RNFT2: variants seen among roughly 807,000 people sequenced by gnomAD.
RNFT2 encodes the protein E3 ubiquitin-protein ligase RNFT2.
RNFT2 carries 36 observed loss-of-function variants against 53.0 expected under a neutral mutation model. The observed-to-expected ratio is 0.68, with a 90% CI of 0.52 to 0.90. The LOEUF is 0.90. Ranked by LOEUF, RNFT2 falls within the 40% of genes least tolerant of loss-of-function variation. The pLI, the probability that RNFT2 is intolerant of heterozygous loss-of-function variation, is 0.00. For missense variants in RNFT2, 514 were observed against 585.6 expected, an observed-to-expected ratio of 0.88 and a Z score of 1.26; for synonymous variants, 260 against 253.2, an observed-to-expected ratio of 1.03 and a Z score of -0.26.
At chr12:116,795,712 G>T (rs1178363017) in intron 7 of RNFT2, among the ~76,000 whole-genome samples, 1 of 152,106 alleles carries the variant, frequency 6.6e-6, no homozygotes, top group Non-Finnish European at 1.5e-5. Flanking sequence ...GGTAGCAGAT[G>T]GAGAAACATA....
At chr12:116,842,565 T>C (rs1877403217) in intron 10 of RNFT2, among the ~76,000 whole-genome samples, 1 of 145,470 alleles carries the variant, frequency 6.9e-6, no homozygotes, top group Non-Finnish European at 1.5e-5. Context: ...ATTTTATTTA[T>C]TTATTTGTTT....
chr12:116,820,550 A>T (rs1414087558), intron 7 of RNFT2, among the ~76,000 whole-genome samples: 1 of 152,082 alleles, frequency 6.6e-6, no homozygotes, highest in Admixed American at 6.6e-5. Flanking sequence ...AGGGGTACCC[A>T]TTATTCTGAA....
At chr12:116,793,161 C>T (rs1016627060) in intron 7 of RNFT2, among the ~76,000 whole-genome samples, 4 of 151,162 alleles carry the variant, frequency 2.6e-5, no homozygotes, top group African/African-American at 9.7e-5. Flanking sequence ...AAAACCATCA[C>T]ACTGGCCAGG....
intron 7 of RNFT2, among the ~76,000 whole-genome samples, chr12:116,785,638 G>A (rs1299940920): frequency 6.6e-6 from 1 of 152,198 alleles, no homozygotes; most frequent in Non-Finnish European, 1.5e-5. Context: ...TGTAAGACCC[G>A]GCCCAGCACT....
intron 3 of RNFT2, among the ~76,000 whole-genome samples, chr12:116,741,586 C>T (rs527887429): frequency 3.1e-4 from 47 of 152,298 alleles, no homozygotes; most frequent in African/African-American, 9.9e-4. Context: ...TAATCCCATT[C>T]GTGAAGAGCC....
chr12:116,799,457 C>T (rs1420406677), intron 7 of RNFT2, among the ~76,000 whole-genome samples: 1 of 152,178 alleles, frequency 6.6e-6, no homozygotes, highest in Non-Finnish European at 1.5e-5. Context: ...TATTTCATTA[C>T]CTTCGTAGTA....
intron 10 of RNFT2, among the ~76,000 whole-genome samples, chr12:116,838,007 A>C (rs536587659): frequency 2.7e-5 from 4 of 150,932 alleles, no homozygotes; most frequent in Non-Finnish European, 5.9e-5. Flanking sequence ...TTATACACAC[A>C]CAAACATATT....
chr12:116,767,270 G>A (rs1872959627), intron 6 of RNFT2, among the ~76,000 whole-genome samples: 1 of 152,020 alleles, frequency 6.6e-6, no homozygotes, highest in African/African-American at 2.4e-5. Context: ...CACCCAGGCT[G>A]GCAGTGGTGT....
chr12:116,776,256 G>A (rs1269615687), intron 6 of RNFT2, among the ~76,000 whole-genome samples: 1 of 152,028 alleles, frequency 6.6e-6, no homozygotes, highest in Non-Finnish European at 1.5e-5. Context: ...ATAAAACCCA[G>A]ATAGATGGAT....
At chr12:116,740,625 A>G (rs1048702113) in intron 2 of RNFT2, 104 bp downstream of exon 2, 6 of 1,045,748 alleles carry the variant, frequency 5.7e-6, no homozygotes, top group Admixed American at 2.0e-5. Flanking sequence ...CATGTAACAC[A>G]TGGGGAATCT....
intron 7 of RNFT2, among the ~76,000 whole-genome samples, chr12:116,793,841 T>C (rs1271201197): frequency 6.6e-6 from 1 of 152,204 alleles, no homozygotes; most frequent in Non-Finnish European, 1.5e-5. Flanking sequence ...TCCTAGCATA[T>C]ACCAGTATCT....
intron 4 of RNFT2, among the ~76,000 whole-genome samples, chr12:116,750,564 G>A (rs1438392477): frequency 2.6e-5 from 4 of 151,580 alleles, no homozygotes; most frequent in Non-Finnish European, 4.4e-5. Context: ...AAACTTCCTC[G>A]CTGGTTGGCT....
chr12:116,795,834 T>C (rs1422816271), intron 7 of RNFT2, among the ~76,000 whole-genome samples: 2 of 152,168 alleles, frequency 1.3e-5, no homozygotes, highest in Admixed American at 1.3e-4. Flanking sequence ...AATCCTGGCT[T>C]CCTGACTTAT....
In RNFT2 at chr12:116,832,422, A is replaced by G. The variant is rs537077895; in HGVS notation, c.883-1370A>G. Among the ~76,000 whole-genome samples, 176 of 152,228 alleles carry G rather than the reference A, an allele frequency of 1.2e-3. 1 individual carries two copies. The highest frequency in any genetic ancestry group is 0.011 in the Admixed American group (163 of 15,282). On this transcript the variant is annotated intron_variant, in intron 7 of 10. Transcript: ENST00000257575. ...TCATGTATACTTATTGCTGGACAGT[A>G]TCCTGTTGTATAAATACGCCATCAT... is the stretch of plus-strand genomic sequence containing the variant.
At chr12:116,762,271 T>C (rs759821379) in intron 5 of RNFT2, among the ~76,000 whole-genome samples, 4 of 151,904 alleles carry the variant, frequency 2.6e-5, no homozygotes, top group Non-Finnish European at 5.9e-5. Flanking sequence ...TCCCAGCTAC[T>C]TGGGAGGCTG....
intron 3 of RNFT2, among the ~76,000 whole-genome samples, chr12:116,743,046 A>G (rs1458353543): frequency 7.4e-6 from 1 of 135,848 alleles, no homozygotes; most frequent in Non-Finnish European, 1.5e-5. Flanking sequence ...GCACCACTGC[A>G]TTCCAGCCTG....
chr12:116,850,720 C>T lies in RNFT2; in HGVS notation c.*1272C>T, dbSNP rs113074925. On this transcript the variant is annotated 3_prime_UTR_variant, in exon 11 of 11. Transcript: ENST00000257575. ...TTGGCTCACTGCAACCTCCGCCTCCCGGGTTCAAGTGATTCTCCTGCCTCA... is the reference window on the plus strand; with the variant it reads ...TTGGCTCACTGCAACCTCCGCCTCCTGGGTTCAAGTGATTCTCCTGCCTCA... 0.036 allele frequency: 5,464 copies of T among 151,516 alleles called. 217 individuals are homozygous for T. Among genetic ancestry groups the T allele is most frequent in the African/African-American group, 0.1 (4,120 of 41,230 alleles). The allele number at this position is 151,516 out of a possible 1,614,324, so 9.4% of individuals were successfully genotyped here.
At chr12:116,764,090 T>C (rs2137095038) in intron 5 of RNFT2, among the ~76,000 whole-genome samples, 1 of 152,266 alleles carries the variant, frequency 6.6e-6, no homozygotes, top group South Asian at 2.1e-4. Context: ...CTAAGTAAAG[T>C]AACTCAGGAA....
rs978662230 is a variant in RNFT2 at position 116,811,118 on chromosome 12, G to A, written c.883-22674G>A. 5.3e-5 allele frequency among the ~76,000 whole-genome samples: 8 copies of A among 152,194 alleles called. 2 individuals are homozygous for A. Among genetic ancestry groups the A allele is most frequent in the Admixed American group, 5.2e-4 (8 of 15,274 alleles). On this transcript the variant is annotated intron_variant, in intron 7 of 10. Transcript: ENST00000257575. ...TGTAAAAAAGGAAGTTATCCACCAG[G>A]CATGATGGCTCACGCTACTCGGAAG...
Sources: gnomAD v4.1 joint callset for allele counts (sites outside exome capture counted in the v4.1 genomes callset) on GRCh38, gnomAD v4.1.1 for gene constraint, MANE v1.5 for transcripts, NCBI Gene and HGNC (gene_info 2026-07-23, HGNC 2026-07-21) for gene names.